KMT2C: variants seen among roughly 807,000 people sequenced by gnomAD.
KMT2C encodes lysine methyltransferase 2C, also known as histone-lysine N-methyltransferase 2C.
A neutral mutation model predicts 507.9 loss-of-function variants in KMT2C; 88 were observed. The ratio of observed to expected loss-of-function variants is 0.17; its 90% CI spans 0.15 to 0.21. The LOEUF is 0.21. Ranked by LOEUF, KMT2C falls within the 10% of genes least tolerant of loss-of-function variation. The probability of loss-of-function intolerance (pLI) is 1.00; values close to 1 mark genes in which losing one functional copy is unlikely to be tolerated. For synonymous variants in KMT2C, 2,049 were observed against 2,080.8 expected, an observed-to-expected ratio of 0.98 and a Z score of 0.42; for missense variants, 4,954 against 5,957.8, an observed-to-expected ratio of 0.83 and a Z score of 5.55.
intron 2 of KMT2C, among the ~76,000 whole-genome samples, chr7:152,338,612 A>G (rs1239395942): frequency 6.6e-6 from 1 of 152,208 alleles, no homozygotes; most frequent in Admixed American, 6.5e-5. Flanking sequence ...ATAACATCTA[A>G]CATATTTTCT....
At position 152,167,246 on chromosome 7, in the gene KMT2C, C is replaced by T. The variant is rs775712660; in HGVS notation, c.9650G>A (p.Arg3217His). Residue 3217 changes from arginine to histidine, a missense_variant, in exon 42 of 59, where the codon CGT (arginine) becomes CAT (histidine). Physicochemically the swap from Arg to His is conservative, Grantham distance 29. Around this residue, in one of 29 missense-constraint regions of KMT2C, gnomAD observed 71 missense variants for 139.2 expected, o/e 0.51. Coordinates refer to ENST00000262189, the MANE Select transcript of KMT2C (RefSeq NM_170606.3). Reference protein sequence around the residue: ...KSKKALSAKQRTAKKAGREFP... With the variant: ...KSKKALSAKQHTAKKAGREFP... ...TTCACGCCCAGCTTTCTTGGCAGTACGTTGTTTAGCTGAAAGGGCCTTCTT... is the reference window on the plus strand; with the variant it reads ...TTCACGCCCAGCTTTCTTGGCAGTATGTTGTTTAGCTGAAAGGGCCTTCTT... 9.3e-6 allele frequency: 15 copies of T among 1,614,022 alleles called. No individual in the cohort carries two copies. Among genetic ancestry groups the T allele is most frequent in the East Asian group, 2.2e-5 (1 of 44,874 alleles).
intron 47 of KMT2C, 43 bp downstream of exon 47, chr7:152,154,224 G>T (rs1182622419): frequency 6.2e-6 from 10 of 1,608,124 alleles, no homozygotes; most frequent in Non-Finnish European, 8.5e-6. Context: ...TAGTAAATTG[G>T]CGTAGTGTAA....
intron 41 of KMT2C, among the ~76,000 whole-genome samples, chr7:152,167,636 T>C (rs2092789549): frequency 6.6e-6 from 1 of 152,202 alleles, no homozygotes; most frequent in Non-Finnish European, 1.5e-5. Context: ...AATCCAATCT[T>C]GGAAAAGCAG....
rs186679591 is a variant in KMT2C at position 152,172,417 on chromosome 7, C to T, written c.9375-1075G>A. On this transcript the variant is annotated intron_variant, in intron 39 of 58. Transcript: ENST00000262189. ...TCCATATTTAAAACTAAGTGCTGGT[C>T]GGGTGCAGTGGCTCATGCCTGTAAT... Among the ~76,000 whole-genome samples, 184 of 152,250 alleles carry T rather than the reference C, an allele frequency of 1.2e-3. 2 individuals carry two copies. Among genetic ancestry groups the T allele is most frequent in the Admixed American group, 8.8e-3 (134 of 15,294 alleles).
At chr7:152,340,566 ATCTT>A (rs1252064561) in intron 2 of KMT2C, among the ~76,000 whole-genome samples, 2 of 152,178 alleles carry the variant, frequency 1.3e-5, no homozygotes, top group Non-Finnish European at 2.9e-5. Flanking sequence ...TATTAACACT[ATCTT>A]TATTCACTAA....
Position 152,252,582 on chromosome 7 carries a change from A to G in KMT2C, c.1433T>C (p.Leu478Ser), listed in dbSNP as rs1344376297. The G allele has an allele frequency of 6.2e-7, 1 of 1,613,482 alleles. No homozygotes were observed. The highest frequency in any genetic ancestry group is 1.3e-5 in the African/African-American group (1 of 74,914). The change falls in exon 10 of 59, where the codon TTG (leucine) becomes TCG (serine). Residue 478 changes from leucine (L) to serine (S), a missense_variant. By Grantham distance (145) the Leu-to-Ser change is moderately radical (BLOSUM62 -2). This residue lies in a region of KMT2C where 376 missense variants were observed against 352.4 expected (regional missense o/e 1.07). Coordinates refer to ENST00000262189, the MANE Select transcript of KMT2C (RefSeq NM_170606.3). ...PFCGKCYHPE[L>S]QKDMLHCNMC... ...ATTACAATGAAGCATGTCTTTCTGC[A>G]ATTCTGGATGATAACACTTCCCACA...
Position 152,205,274 on chromosome 7 carries a change from T to G in KMT2C, c.3842-49A>C, listed in dbSNP as rs781359620. ...AACTGATAAGTAATTTCTCCCTACA[T>G]TTCCACAGTACACAGGATAAAACTG... is the stretch of plus-strand genomic sequence containing the variant. On this transcript the variant is annotated intron_variant, in intron 24 of 58. Transcript: ENST00000262189. The G allele has an allele frequency of 1.9e-6, 3 of 1,541,584 alleles. No individual in the cohort carries two copies. In the African/African-American group the frequency reaches 4.1e-5, roughly 21 times the overall value.
At chr7:152,195,113 G>A (rs913785325) in intron 28 of KMT2C, among the ~76,000 whole-genome samples, 1 of 151,986 alleles carries the variant, frequency 6.6e-6, no homozygotes, top group Non-Finnish European at 1.5e-5. Context: ...TTATAAAATT[G>A]TAACATGCTG....
chr7:152,252,004 T>C lies in KMT2C; in HGVS notation c.1556A>G (p.His519Arg). 1.9e-6 allele frequency: 3 copies of C among 1,613,286 alleles called. No individual in the cohort carries two copies. Among genetic ancestry groups the C allele is most frequent in the Middle Eastern group, 3.3e-4 (2 of 6,060 alleles). ...KEEYICMYCK[H>R]LGAEMDRLQP... The stretch of plus-strand genomic sequence containing the variant: ...TAAACGATCCATCTCAGCTCCCAGG[T>C]GTTTACAATACATGCAGATATACTC... Residue 519 changes from histidine to arginine, a missense_variant, in exon 11 of 59, where the codon CAC (histidine) becomes CGC (arginine). Physicochemically the swap from His to Arg is conservative, Grantham distance 29 (BLOSUM62 0). Transcript: ENST00000262189.
chr7:152,297,055 C>CAGACAGAGAGAGAGAGAGAG lies in KMT2C; in HGVS notation c.849+12910_849+12911insCTCTCTCTCTCTCTCTGTCT, dbSNP rs1315629061. On this transcript the variant is annotated intron_variant, in intron 6 of 58. Coordinates refer to ENST00000262189, the MANE Select transcript of KMT2C (RefSeq NM_170606.3). The stretch of plus-strand genomic sequence containing the variant: ...AAAGAAAGAAAGAAAGAAAGAAAGA[C>CAGACAGAGAGAGAGAGAGAG]AGAGAGAGAGAGAGAGAGAGAGAGA... 9.7e-4 allele frequency among the ~76,000 whole-genome samples: 82 copies of CAGACAGAGAGAGAGAGAGAG among 84,404 alleles called. 1 individual carries two copies. Among genetic ancestry groups the CAGACAGAGAGAGAGAGAGAG allele is most frequent in the South Asian group, 2.3e-3 (5 of 2,210 alleles). The allele number at this position is 84,404 out of a possible 152,430, so 55.4% of individuals were successfully genotyped here. A position where few individuals can be genotyped will look rare whatever the true frequency, so the allele number is the denominator to read the frequency against.
intron 1 of KMT2C, among the ~76,000 whole-genome samples, chr7:152,359,211 T>C (rs2097175660): frequency 6.6e-6 from 1 of 151,666 alleles, no homozygotes; most frequent in South Asian, 2.1e-4. Flanking sequence ...ATAATAAAAT[T>C]TAATTTATAA....
intron 6 of KMT2C, among the ~76,000 whole-genome samples, chr7:152,302,414 G>A (rs1362746783): frequency 6.6e-6 from 1 of 151,674 alleles, no homozygotes; most frequent in Non-Finnish European, 1.5e-5. Context: ...AGTAGAGAGG[G>A]GGTTTCATCA....
At chr7:152,188,569 T>C (rs1329864549) in intron 31 of KMT2C, among the ~76,000 whole-genome samples, 4 of 138,692 alleles carry the variant, frequency 2.9e-5, no homozygotes, top group East Asian at 2.1e-4. Context: ...CTGTTCCTCT[T>C]AATACCAAAA....
At chr7:152,367,605 T>C (rs1206640974) in intron 1 of KMT2C, 47 of 1,327,790 alleles carry the variant, frequency 3.5e-5, no homozygotes, top group Admixed American at 8.4e-5. Context: ...GTCCTTCTCA[T>C]AGAATTAAAA....
chr7:152,223,075 C>A (rs992411768), intron 20 of KMT2C, among the ~76,000 whole-genome samples: 4 of 152,074 alleles, frequency 2.6e-5, no homozygotes, highest in African/African-American at 9.7e-5. Context: ...ACATATCTCA[C>A]GGAAAGCGAT....
At chr7:152,360,710 A>T (rs1033566785) in intron 1 of KMT2C, among the ~76,000 whole-genome samples, 1 of 150,178 alleles carries the variant, frequency 6.7e-6, no homozygotes, top group Non-Finnish European at 1.5e-5. Flanking sequence ...TTAGCTGGGC[A>T]TGGTGGCACA....
rs565905708 is a variant in KMT2C, at chr7:152,409,390, G to A, written c.161+26236C>T. On this transcript the variant is annotated intron_variant, in intron 1 of 58. Transcript: ENST00000262189. ...ATTTCTTCTAATGTAATTAAATTCT[G>A]GTAATCAGATTTTCAGAAGAAATAT... Among the ~76,000 whole-genome samples the A allele has an allele frequency of 6.1e-3, 917 of 150,516 alleles. 8 individuals are homozygous for A. Among genetic ancestry groups the A allele is most frequent in the African/African-American group, 0.02 (833 of 40,950 alleles).
rs778445184 is a variant in KMT2C, at chr7:152,176,747, A to T, written c.8706T>A (p.Ala2902=). The change falls in exon 38 of 59, where the codon GCT becomes GCA. Residue 2902 remains alanine (A), a synonymous_variant. Coordinates refer to ENST00000262189, the MANE Select transcript of KMT2C (RefSeq NM_170606.3). ...NVIQASTQLP[A]QDVINSCGIT... ...TGCCACAAGAGTTTATTACATCTTGAGCAGGTAGTTGAGTGGATGCCTGAA... is the reference window on the plus strand; with the variant it reads ...TGCCACAAGAGTTTATTACATCTTGTGCAGGTAGTTGAGTGGATGCCTGAA... The T allele has an allele frequency of 1.2e-6, 2 of 1,614,034 alleles. No homozygotes were observed. Among genetic ancestry groups the T allele is most frequent in the Non-Finnish European group, 1.7e-6 (2 of 1,180,030 alleles).
intron 1 of KMT2C, among the ~76,000 whole-genome samples, chr7:152,421,644 C>A (rs1237790371): frequency 6.6e-6 from 1 of 152,152 alleles, no homozygotes; most frequent in East Asian, 1.9e-4. Context: ...TAACAGAAAG[C>A]CAAATACTGT....
Sources: allele counts gnomAD v4.1 joint callset (sites outside exome capture counted in the v4.1 genomes callset), GRCh38; gene constraint gnomAD v4.1.1; regional missense constraint gnomAD v4.1.1; transcripts MANE v1.5; gene names NCBI Gene and HGNC (gene_info 2026-07-23, HGNC 2026-07-21).